Variants in TMEM232 observed in about 807,000 individuals in gnomAD.
The protein encoded by TMEM232 is transmembrane protein 232.
TMEM232 carries 80 observed loss-of-function variants against 78.8 expected under a neutral mutation model. The observed-to-expected ratio is 1.01, with a 90% confidence interval of 0.85 to 1.22. TMEM232 has a LOEUF of 1.22. Ranked by LOEUF, TMEM232 falls within the 50% of genes most tolerant of loss-of-function variation. The pLI, the probability that TMEM232 is intolerant of heterozygous loss-of-function variation, is 0.00. For synonymous variants in TMEM232, 297 were observed against 254.3 expected, an observed-to-expected ratio of 1.17 and a Z score of -1.60; for missense variants, 881 against 742.2, an observed-to-expected ratio of 1.19 and a Z score of -2.17.
Position 110,692,435 on chromosome 5 carries a change from G to A in TMEM232, c.-12-25071C>T, listed in dbSNP as rs191116583. ...GAGGTACCGGGTTCATCTCACTGGG[G>A]AGTGCCGGACAGTGGGTGCAGGAGA... On this transcript the variant is annotated intron_variant, in intron 1 of 13. Transcript: ENST00000455884. Among the ~76,000 whole-genome samples the A allele has an allele frequency of 4.7e-3, 715 of 152,312 alleles. 2 individuals are homozygous for A. Among genetic ancestry groups the A allele is most frequent in the Middle Eastern group, 0.01 (3 of 294 alleles).
chr5:110,684,105 G>C (rs1377672684), intron 1 of TMEM232, among the ~76,000 whole-genome samples: 2 of 151,834 alleles, frequency 1.3e-5, no homozygotes, highest in East Asian at 3.9e-4. Context: ...AAACAAACAT[G>C]ATAATTAATG....
intron 1 of TMEM232, among the ~76,000 whole-genome samples, chr5:110,678,598 G>A (rs1185400447): frequency 6.6e-6 from 1 of 152,130 alleles, no homozygotes; most frequent in Non-Finnish European, 1.5e-5. Flanking sequence ...TTGGACAAAT[G>A]TATAATGTCA....
intron 1 of TMEM232, among the ~76,000 whole-genome samples, chr5:110,681,947 T>C (rs939741258): frequency 2.6e-5 from 4 of 152,186 alleles, no homozygotes; most frequent in East Asian, 1.9e-4. Context: ...TTTCATGATA[T>C]TTCATAGTCT....
rs1293386865 is a variant in TMEM232, at chr5:110,736,282, T to C, written c.-125-1267A>G. Among the ~76,000 whole-genome samples, 3 of 152,332 alleles carry C rather than the reference T, an allele frequency of 2.0e-5. No homozygotes were observed. The East Asian group carries it at 5.8e-4, about 29-fold the overall frequency. On this transcript the variant is annotated intron_variant, in intron 1 of 4. Transcript: ENST00000512886. ...GCTCTAGAGACTACTGATTAAATGA[T>C]ATGAACAGATTTAGTAATCTAGAAA...
chr5:110,629,216 T>G (rs530067933), intron 5 of TMEM232, among the ~76,000 whole-genome samples: 1 of 152,148 alleles, frequency 6.6e-6, no homozygotes, highest in African/African-American at 2.4e-5. Context: ...TTAATATTTT[T>G]CAAGGACTAG....
chr5:110,712,601 C>T (rs1380033689), intron 1 of TMEM232, among the ~76,000 whole-genome samples: 2 of 152,138 alleles, frequency 1.3e-5, no homozygotes, highest in African/African-American at 4.8e-5. Context: ...TCCCTGACCA[C>T]CGATCAAAAT....
chr5:110,469,050 T>C (rs1268518875), intron 12 of TMEM232, among the ~76,000 whole-genome samples: 1 of 152,054 alleles, frequency 6.6e-6, no homozygotes, highest in East Asian at 1.9e-4. Flanking sequence ...GCAGCCCCAA[T>C]CAACATTTTG....
Position 110,419,964 on chromosome 5 carries a change from A to C in TMEM232, c.*616T>G, listed in dbSNP as rs1486152403. On this transcript the variant is annotated 3_prime_UTR_variant, in exon 14 of 14. Transcript: ENST00000455884. ...TCATTCTCATAAACTCACAGAACAG[A>C]GTAAAACCACCATCTCTCAGGAATC... The C allele has an allele frequency of 2.0e-5, 3 of 152,196 alleles. No homozygotes were observed. In the East Asian group the frequency reaches 5.8e-4, roughly 29 times the overall value. The allele number at this position is 152,196 out of a possible 1,614,324, so 9.4% of individuals were successfully genotyped here.
intron 12 of TMEM232, among the ~76,000 whole-genome samples, chr5:110,442,091 A>G (rs2112763928): frequency 6.6e-6 from 1 of 152,144 alleles, no homozygotes; most frequent in Non-Finnish European, 1.5e-5. Flanking sequence ...AAATGCCTTG[A>G]GGAAGTCTTC....
At chr5:110,520,110 T>C (rs929298547) in intron 12 of TMEM232, among the ~76,000 whole-genome samples, 3 of 150,816 alleles carry the variant, frequency 2.0e-5, no homozygotes, top group East Asian at 1.9e-4. Context: ...AGTAGCACAA[T>C]AGGGTAACTA....
chr5:110,475,446 T>TA (rs1491277446), intron 12 of TMEM232, among the ~76,000 whole-genome samples: 2 of 1,782 alleles, frequency 1.1e-3, no homozygotes, highest in Non-Finnish European at 0.018. Context: ...TATACTTTGA[T>TA]TTTTTTTTTT....
At chr5:110,622,028 T>C (rs1364196278) in intron 7 of TMEM232, among the ~76,000 whole-genome samples, 2 of 152,160 alleles carry the variant, frequency 1.3e-5, no homozygotes, top group African/African-American at 4.8e-5. Context: ...CAGGGACAGC[T>C]TTCTGGGTTT....
chr5:110,619,786 C>G (rs1783401662), intron 7 of TMEM232, among the ~76,000 whole-genome samples: 1 of 152,016 alleles, frequency 6.6e-6, no homozygotes, highest in African/African-American at 2.4e-5. Flanking sequence ...AGATTGCAAA[C>G]TTATTTTGAA....
intron 12 of TMEM232, among the ~76,000 whole-genome samples, chr5:110,432,746 T>A (rs80342923): frequency 2.0e-5 from 3 of 151,600 alleles, no homozygotes; most frequent in African/African-American, 7.3e-5. Flanking sequence ...CAAACCCACC[T>A]CACACATAAT....
At chr5:110,484,896 C>A (rs1056951473) in intron 12 of TMEM232, among the ~76,000 whole-genome samples, 2 of 151,920 alleles carry the variant, frequency 1.3e-5, no homozygotes, top group African/African-American at 4.8e-5. Flanking sequence ...CCTCAACACC[C>A]TACTTTCAGC....
chr5:110,425,266 G>C (rs568218550), intron 12 of TMEM232, among the ~76,000 whole-genome samples: 3 of 152,192 alleles, frequency 2.0e-5, no homozygotes, highest in East Asian at 1.9e-4. Context: ...CAAAGTCTTT[G>C]TATTACTAAG....
intron 12 of TMEM232, among the ~76,000 whole-genome samples, chr5:110,490,269 T>G (rs1473006501): frequency 6.6e-6 from 1 of 152,142 alleles, no homozygotes; most frequent in African/African-American, 2.4e-5. Context: ...ATGTTCAATT[T>G]GCCATAGTAT....
At chr5:110,671,610 A>G (rs1791355792) in intron 1 of TMEM232, among the ~76,000 whole-genome samples, 1 of 152,184 alleles carries the variant, frequency 6.6e-6, no homozygotes, top group African/African-American at 2.4e-5. Context: ...ACATGGATGA[A>G]GCTGGAAACC....
At chr5:110,663,900 A>G (rs1344581653) in intron 2 of TMEM232, among the ~76,000 whole-genome samples, 1 of 152,076 alleles carries the variant, frequency 6.6e-6, no homozygotes, top group Non-Finnish European at 1.5e-5. Context: ...GAATTTTTGG[A>G]GGGTCAGGTG....
Sources: gnomAD v4.1 joint callset for allele counts (sites outside exome capture counted in the v4.1 genomes callset) on GRCh38, gnomAD v4.1.1 for gene constraint, MANE v1.5 for transcripts, NCBI Gene and HGNC (gene_info 2026-07-23, HGNC 2026-07-21) for gene names.